NACC2: variants seen among roughly 807,000 people sequenced by gnomAD.
The protein encoded by NACC2 is NACC family member 2, also known as nucleus accumbens-associated protein 2.
Under a neutral mutation model 25.1 loss-of-function variants are expected in NACC2, and 8 were observed. The ratio of observed to expected loss-of-function variants is 0.32; its 90% CI spans 0.19 to 0.57. The LOEUF (loss-of-function observed/expected upper bound fraction) is 0.57. Ranked by LOEUF, NACC2 falls within the 20% of genes least tolerant of loss-of-function variation. The probability of loss-of-function intolerance (pLI) is 0.89; values close to 1 mark genes in which losing one functional copy is unlikely to be tolerated. For missense variants in NACC2, 644 were observed against 650.2 expected (o/e 0.99, Z 0.10); for synonymous variants, 435 against 294.7 (o/e 1.48, Z -4.88).
chr9:136,044,334 G>A (rs1275417975), intron 2 of NACC2, among the ~76,000 whole-genome samples: 1 of 152,190 alleles, frequency 6.6e-6, no homozygotes, highest in African/African-American at 2.4e-5. Flanking sequence ...GGACAATATA[G>A]CGAGACCCTG....
intron 1 of NACC2, among the ~76,000 whole-genome samples, chr9:136,083,053 G>A (rs907306866): frequency 2.0e-5 from 3 of 152,172 alleles, no homozygotes; most frequent in Non-Finnish European, 4.4e-5. Flanking sequence ...TTGATCTCCT[G>A]ACGACCGAGC....
At chr9:136,044,599 C>T (rs923281986) in intron 2 of NACC2, among the ~76,000 whole-genome samples, 24 of 152,266 alleles carry the variant, frequency 1.6e-4, no homozygotes, top group East Asian at 1.2e-3. Context: ...TCTAACAGTG[C>T]GGACGCCCCC....
intron 1 of NACC2, among the ~76,000 whole-genome samples, chr9:136,051,463 G>A (rs1181400394): frequency 6.6e-6 from 1 of 152,218 alleles, no homozygotes; most frequent in Non-Finnish European, 1.5e-5. Flanking sequence ...CCCGGACCCC[G>A]GGGCTGGGAG....
rs1026212081 is a variant in NACC2, at chr9:136,084,843, C to A, written c.-60+10346G>T. ...CAAATGAGCCAGTCACACGAGGACA[C>A]CCCCTGTGGGACTCCACTCACATGC... On this transcript the variant is annotated intron_variant, in intron 1 of 5. Coordinates refer to ENST00000277554, the MANE Select transcript of NACC2 (RefSeq NM_144653.5). This position sits in a 1 kb window ranked among gnomAD's most constrained non-coding sequence, Gnocchi z 5.1. Among the ~76,000 whole-genome samples the A allele has an allele frequency of 6.6e-6, 1 of 152,198 alleles. No individual in the cohort carries two copies. The highest frequency in any genetic ancestry group is 2.4e-5 in the African/African-American group (1 of 41,440).
intron 2 of NACC2, among the ~76,000 whole-genome samples, chr9:136,031,957 C>T (rs565947292): frequency 4.9e-5 from 7 of 142,370 alleles, no homozygotes; most frequent in Admixed American, 6.7e-5. Flanking sequence ...ACAGCTTTCC[C>T]GATGCTAGGG....
At position 136,011,901 on chromosome 9, in the gene NACC2, G is replaced by A. The variant is rs762025449; in HGVS notation, c.1379C>T (p.Pro460Leu). Residue 460 changes from proline (P) to leucine (L), a missense_variant, in exon 6 of 6, where the codon CCG (proline) becomes CTG (leucine). Coordinates refer to ENST00000277554, the MANE Select transcript of NACC2 (RefSeq NM_144653.5). ...RWLPKIKSML[P>L]EGVEMYRTVM... is the part of the protein sequence containing the mutation. ...CGTGCGGTACATCTCCACGCCCTCC[G>A]GCAGCATGGACTTGATCTTGGGCAG... The A allele has an allele frequency of 2.5e-6, 4 of 1,584,822 alleles. No homozygotes were observed. Among genetic ancestry groups the A allele is most frequent in the East Asian group, 2.3e-5 (1 of 43,110 alleles).
intron 2 of NACC2, among the ~76,000 whole-genome samples, chr9:136,046,757 C>T (rs1446281855): frequency 6.6e-6 from 1 of 152,192 alleles, no homozygotes; most frequent in South Asian, 2.1e-4. Flanking sequence ...CGGGTGGTGA[C>T]GCGGGACCTG....
chr9:136,070,868 T>A (rs184769354), intron 1 of NACC2, among the ~76,000 whole-genome samples: 14 of 151,668 alleles, frequency 9.2e-5, no homozygotes, highest in African/African-American at 3.4e-4. Context: ...AATTTTAGTA[T>A]CAGAAATGAA....
At chr9:136,039,198 A>C (rs1388131735) in intron 2 of NACC2, among the ~76,000 whole-genome samples, 2 of 152,246 alleles carry the variant, frequency 1.3e-5, no homozygotes, top group Non-Finnish European at 2.9e-5. Context: ...GTGACTTCAG[A>C]GATGGATAAA....
At chr9:136,041,055 GAAGGA>G (rs1471504734) in intron 2 of NACC2, among the ~76,000 whole-genome samples, 1 of 149,344 alleles carries the variant, frequency 6.7e-6, no homozygotes, top group Admixed American at 6.7e-5. Context: ...AGGAAGGAAG[GAAGGA>G]AAGGAAGGAA....
At chr9:136,023,340 G>A (rs968681439) in intron 2 of NACC2, among the ~76,000 whole-genome samples, 4 of 151,926 alleles carry the variant, frequency 2.6e-5, no homozygotes, top group Non-Finnish European at 5.9e-5. Context: ...GCCCGCCAGG[G>A]CACCTGGGCC....
Position 136,026,880 on chromosome 9 carries a change from A to G in NACC2, c.887-10451T>C, listed in dbSNP as rs575206290. 4.2e-4 allele frequency among the ~76,000 whole-genome samples: 64 copies of G among 152,372 alleles called. No individual in the cohort carries two copies. The South Asian group carries it at 6.2e-3, about 15-fold the overall frequency. ...AGACCAATGGACAAGACGGTAGATT[A>G]ACCCAGCAAAGTCAGTAACCACGTG... On this transcript the variant is annotated intron_variant, in intron 2 of 5. Coordinates refer to ENST00000277554, the MANE Select transcript of NACC2 (RefSeq NM_144653.5).
At chr9:136,062,948 A>G (rs764396241) in intron 1 of NACC2, among the ~76,000 whole-genome samples, 3 of 152,180 alleles carry the variant, frequency 2.0e-5, no homozygotes, top group Admixed American at 6.5e-5. Flanking sequence ...TTATACGTTC[A>G]CAGGACATCC....
chr9:136,085,025 T>G (rs1056510450), intron 1 of NACC2, among the ~76,000 whole-genome samples: 1 of 152,092 alleles, frequency 6.6e-6, no homozygotes, highest in Non-Finnish European at 1.5e-5. Flanking sequence ...AAAATGTGCA[T>G]GCTTCATTCC....
chr9:136,016,554 G>A (rs1840206745), intron 2 of NACC2, 125 bp from the exon 3 acceptor site: 2 of 1,133,272 alleles, frequency 1.8e-6, no homozygotes, highest in African/African-American at 1.6e-5. Context: ...CTGGGCCCAG[G>A]TGAGGCCACT....
rs1178129020 is a variant in NACC2 at position 136,020,524 on chromosome 9, A to G, written c.887-4095T>C. Among the ~76,000 whole-genome samples the G allele has an allele frequency of 6.6e-6, 1 of 152,194 alleles. No individual in the cohort carries two copies. The highest frequency in any genetic ancestry group is 1.5e-5 in the Non-Finnish European group (1 of 68,032). On this transcript the variant is annotated intron_variant, in intron 2 of 5. Transcript: ENST00000277554. The surrounding 1 kb of genome is among the most constrained non-coding windows in gnomAD (Gnocchi z 4.7). ...GGCGAGTGGTAGGGCCGCCTGGTGGAGCCCAGCAGAGCCTCGGCGGGGGTA... is the reference window on the plus strand; with the variant it reads ...GGCGAGTGGTAGGGCCGCCTGGTGGGGCCCAGCAGAGCCTCGGCGGGGGTA...
chr9:136,013,387 C>T lies in NACC2; in HGVS notation c.1158-91G>A, dbSNP rs1840144248. On this transcript the variant is annotated intron_variant, in intron 4 of 5. Transcript: ENST00000277554. This position sits in a 1 kb window ranked among gnomAD's most constrained non-coding sequence, Gnocchi z 6.6. ...CCCGCACGAATGCCCTGCTGGGAGG[C>T]CACTTGGCCTCACCCTTGGCTGGTC... 29 of 1,196,372 alleles carry T rather than the reference C, an allele frequency of 2.4e-5. No homozygotes were observed. The South Asian group carries it at 3.2e-4, about 13-fold the overall frequency. The allele number at this position is 1,196,372 out of a possible 1,614,324, so 74.1% of individuals were successfully genotyped here.
At position 136,010,758 on chromosome 9, in the gene NACC2, C is replaced by A. The variant is rs1840092907; in HGVS notation, c.*758G>T. 6.6e-6 allele frequency: 1 copy of A among 152,334 alleles called. No homozygotes were observed. Among genetic ancestry groups the A allele is most frequent in the African/African-American group, 2.4e-5 (1 of 41,448 alleles). 9.4% of individuals were successfully genotyped at this position (152,334 alleles called of 1,614,324 possible). On this transcript the variant is annotated 3_prime_UTR_variant, in exon 6 of 6. Transcript: ENST00000277554. This position sits in a 1 kb window ranked among gnomAD's most constrained non-coding sequence, Gnocchi z 4.9. ...CGTCCCACAGTGGGCCCGGGCGGGA[C>A]AGTGGGAGGCCAGGCGGGGTCAGCG...
At chr9:136,023,339 G>A (rs914460331) in intron 2 of NACC2, among the ~76,000 whole-genome samples, 2 of 152,042 alleles carry the variant, frequency 1.3e-5, no homozygotes, top group East Asian at 2.0e-4. Context: ...AGCCCGCCAG[G>A]GCACCTGGGC....
Sources: gnomAD v4.1 joint callset for allele counts (sites outside exome capture counted in the v4.1 genomes callset) on GRCh38, gnomAD v4.1.1 for gene constraint, Gnocchi (gnomAD v3.1) non-coding constraint, MANE v1.5 for transcripts, NCBI Gene and HGNC (gene_info 2026-07-23, HGNC 2026-07-21) for gene names.